The following NKAIN3 variants were observed in gnomAD, a reference collection of about 807,000 sequenced individuals.
NKAIN3 encodes the protein sodium/potassium transporting ATPase interacting 3, also known as sodium/potassium-transporting ATPase subunit beta-1-interacting protein 3.
A neutral mutation model predicts 30.2 loss-of-function variants in NKAIN3; 25 were observed. The ratio of observed to expected loss-of-function variants is 0.83; its 90% CI spans 0.60 to 1.16. The LOEUF is 1.16. Among genes scored for constraint, NKAIN3 ranks in the 50% most tolerant of loss-of-function variants. The probability of loss-of-function intolerance (pLI) is 0.00; values close to 1 mark genes in which losing one functional copy is unlikely to be tolerated. For synonymous variants in NKAIN3, 91 were observed against 89.6 expected, an observed-to-expected ratio of 1.02 and a Z score of -0.09; for missense variants, 225 against 254.1, an observed-to-expected ratio of 0.89 and a Z score of 0.78.
chr8:62,841,135 C>A (rs116017893), intron 4 of NKAIN3, among the ~76,000 whole-genome samples: 1 of 151,704 alleles, frequency 6.6e-6, no homozygotes, highest in Admixed American at 6.6e-5. Context: ...CCCTAGAATG[C>A]GGAAATTTTC....
chr8:62,365,851 C>G (rs1049230775), intron 1 of NKAIN3, among the ~76,000 whole-genome samples: 3 of 152,012 alleles, frequency 2.0e-5, no homozygotes, highest in Non-Finnish European at 2.9e-5. Context: ...TTAGTGTGAG[C>G]TTGAGCATTT....
intron 3 of NKAIN3, among the ~76,000 whole-genome samples, chr8:62,618,861 G>A (rs1019026397): frequency 2.2e-4 from 33 of 152,058 alleles, no homozygotes; most frequent in Non-Finnish European, 3.2e-4. Flanking sequence ...AGCTGAGATC[G>A]CGCCACGGCA....
intron 6 of NKAIN3, among the ~76,000 whole-genome samples, chr8:62,960,372 G>A (rs1218789265): frequency 6.6e-6 from 1 of 152,064 alleles, no homozygotes; most frequent in Non-Finnish European, 1.5e-5. Context: ...AAATCAGAAA[G>A]CCCATATCTG....
intron 4 of NKAIN3, among the ~76,000 whole-genome samples, chr8:62,893,702 A>G (rs1821356288): frequency 6.6e-6 from 1 of 152,164 alleles, no homozygotes; most frequent in Non-Finnish European, 1.5e-5. Context: ...CTAACTGTGT[A>G]CACACAAGGA....
intron 3 of NKAIN3, among the ~76,000 whole-genome samples, 157 bp downstream of exon 3, chr8:62,589,951 A>G (rs1810602801): frequency 6.6e-6 from 1 of 150,446 alleles, no homozygotes; most frequent in African/African-American, 2.4e-5. Flanking sequence ...AGAAGACTTT[A>G]GGTACCACTT....
intron 4 of NKAIN3, among the ~76,000 whole-genome samples, chr8:62,867,749 G>A (rs1172475232): frequency 2.0e-5 from 3 of 152,134 alleles, no homozygotes; most frequent in Non-Finnish European, 4.4e-5. Flanking sequence ...GCGTTTAACC[G>A]ATACATTTAA....
intron 1 of NKAIN3, among the ~76,000 whole-genome samples, chr8:62,433,768 G>T (rs80030725): frequency 3.6e-4 from 54 of 152,106 alleles, no homozygotes; most frequent in Non-Finnish European, 6.3e-4. Flanking sequence ...TAAATTAATT[G>T]GATTAAGAGG....
chr8:62,567,304 G>T (rs1409870757), intron 1 of NKAIN3, among the ~76,000 whole-genome samples: 1 of 152,032 alleles, frequency 6.6e-6, no homozygotes, highest in Non-Finnish European at 1.5e-5. Flanking sequence ...GGTCAGGGCC[G>T]GGCTGAGATG....
chr8:62,923,562 A>G (rs980789428), intron 5 of NKAIN3, among the ~76,000 whole-genome samples: 1 of 152,196 alleles, frequency 6.6e-6, no homozygotes, highest in African/African-American at 2.4e-5. Flanking sequence ...TTTGAAAATC[A>G]AGGTATAGGG....
intron 1 of NKAIN3, among the ~76,000 whole-genome samples, chr8:62,300,985 A>T (rs528376838): frequency 2.1e-4 from 32 of 152,242 alleles, no homozygotes; most frequent in South Asian, 4.1e-4. Flanking sequence ...TAAACTTGGC[A>T]GAAATTGTAT....
Position 62,589,722 on chromosome 8 carries a change from G to A in NKAIN3, c.201G>A (p.Val67=), listed in dbSNP as rs1810591973. The change falls in exon 3 of 7, where the codon GTG becomes GTA. Residue 67 remains valine (V), a synonymous_variant. Transcript: ENST00000623646. ...CCCCCATTTCTATCTAGTATACAGT[G>A]TGGACTGCCCTCTGGGTCACCTGGA... ...YRPRYIMVYT[V]WTALWVTWNV... 2 of 1,579,680 alleles carry A rather than the reference G, an allele frequency of 1.3e-6. No homozygotes were observed. The highest frequency in any genetic ancestry group is 1.7e-6 in the Non-Finnish European group (2 of 1,151,950).
At chr8:62,478,921 C>T (rs1347133727) in intron 1 of NKAIN3, among the ~76,000 whole-genome samples, 4 of 152,124 alleles carry the variant, frequency 2.6e-5, no homozygotes, top group African/African-American at 7.2e-5. Flanking sequence ...AGGAGGTTCT[C>T]GCAAGGAGGT....
At chr8:62,689,829 T>C (rs930397456) in intron 3 of NKAIN3, among the ~76,000 whole-genome samples, 1 of 151,996 alleles carries the variant, frequency 6.6e-6, no homozygotes, top group African/African-American at 2.4e-5. Context: ...AATAAAGAAA[T>C]TGACAAAGTC....
chr8:62,718,550 G>T (rs4738999), intron 3 of NKAIN3, among the ~76,000 whole-genome samples: 134,540 of 152,188 alleles, frequency 0.88, 59,614 homozygotes, highest in African/African-American at 0.91. Context: ...ATTATTTATA[G>T]GAATATTGTT....
At chr8:62,754,501 C>A (rs1373537893) in intron 4 of NKAIN3, among the ~76,000 whole-genome samples, 2 of 152,150 alleles carry the variant, frequency 1.3e-5, no homozygotes, top group Non-Finnish European at 2.9e-5. Context: ...TAATTTTACA[C>A]ATATATTGTC....
chr8:62,804,068 A>G (rs956456201), intron 4 of NKAIN3, among the ~76,000 whole-genome samples: 4 of 152,212 alleles, frequency 2.6e-5, no homozygotes, highest in African/African-American at 9.6e-5. Flanking sequence ...ACCAGGAAGA[A>G]GTTGAATCTC....
chr8:62,497,373 C>A (rs16929057), intron 1 of NKAIN3, among the ~76,000 whole-genome samples: 198 of 151,506 alleles, frequency 1.3e-3, no homozygotes, highest in African/African-American at 4.6e-3. Flanking sequence ...AACAATGATA[C>A]TTGAAGCAAT....
chr8:62,741,246 G>T (rs1198173721), intron 3 of NKAIN3, among the ~76,000 whole-genome samples: 1 of 152,024 alleles, frequency 6.6e-6, no homozygotes, highest in African/African-American at 2.4e-5. Flanking sequence ...TCTGAACACT[G>T]CACTCCAATA....
chr8:62,707,437 A>G (rs1277188160), intron 3 of NKAIN3, among the ~76,000 whole-genome samples: 2 of 151,990 alleles, frequency 1.3e-5, no homozygotes, highest in African/African-American at 4.8e-5. Context: ...GGAGTAAGGT[A>G]GTATCATATT....
Sources: gnomAD v4.1 joint callset for allele counts (sites outside exome capture counted in the v4.1 genomes callset) on GRCh38, gnomAD v4.1.1 for gene constraint, MANE v1.5 for transcripts, NCBI Gene and HGNC (gene_info 2026-07-23, HGNC 2026-07-21) for gene names.